CAMTA1: variants seen among roughly 807,000 people sequenced by gnomAD.
The protein encoded by CAMTA1 is calmodulin-binding transcription activator 1.
A neutral mutation model predicts 170.9 loss-of-function variants in CAMTA1; 27 were observed. The observed-to-expected ratio is 0.16, with a 90% CI of 0.12 to 0.22. The LOEUF (loss-of-function observed/expected upper bound fraction) is 0.22. Ranked by LOEUF, CAMTA1 falls within the 10% of genes least tolerant of loss-of-function variation. The probability of loss-of-function intolerance (pLI) is 1.00; values close to 1 mark genes in which losing one functional copy is unlikely to be tolerated. For missense variants in CAMTA1, 1,619 were observed against 2,217.2 expected (o/e 0.73, Z 5.42); for synonymous variants, 833 against 891.5 (o/e 0.93, Z 1.17).
intron 11 of CAMTA1, among the ~76,000 whole-genome samples, chr1:7,703,695 A>G (rs2096467465): frequency 6.6e-6 from 1 of 152,150 alleles, no homozygotes; most frequent in South Asian, 2.1e-4. Context: ...ATATATCTAT[A>G]TCTATTAGTA....
chr1:7,323,063 C>T (rs1036650170), intron 5 of CAMTA1, among the ~76,000 whole-genome samples: 2 of 146,446 alleles, frequency 1.4e-5, no homozygotes, highest in African/African-American at 2.5e-5. Flanking sequence ...TCAATTTTTC[C>T]CATGTGTCTA....
intron 3 of CAMTA1, among the ~76,000 whole-genome samples, chr1:7,006,380 G>A (rs1699009927): frequency 6.6e-6 from 1 of 152,108 alleles, no homozygotes; most frequent in Non-Finnish European, 1.5e-5. Flanking sequence ...GTATTTTACT[G>A]GATTGTGGAT....
At chr1:6,831,598 A>G (rs1001776409) in intron 3 of CAMTA1, among the ~76,000 whole-genome samples, 1 of 152,254 alleles carries the variant, frequency 6.6e-6, no homozygotes, top group South Asian at 2.1e-4. Flanking sequence ...ATGCAGCACC[A>G]TGAACCTTTT....
At chr1:7,225,692 C>T (rs1038399129) in intron 4 of CAMTA1, among the ~76,000 whole-genome samples, 1 of 152,240 alleles carries the variant, frequency 6.6e-6, no homozygotes, top group Non-Finnish European at 1.5e-5. Context: ...GGGTTCACTT[C>T]TCTGCATCAG....
intron 3 of CAMTA1, among the ~76,000 whole-genome samples, chr1:6,925,847 C>T (rs897014065): frequency 3.3e-5 from 5 of 152,184 alleles, no homozygotes; most frequent in African/African-American, 7.2e-5. Flanking sequence ...CTAAGCTGTC[C>T]GCTGGCTGAT....
At position 6,971,928 on chromosome 1, in the gene CAMTA1, G is replaced by A. The variant is rs927303215; in HGVS notation, c.235-119376G>A. On this transcript the variant is annotated intron_variant, in intron 3 of 22. Transcript: ENST00000303635. This position sits in a 1 kb window ranked among gnomAD's most constrained non-coding sequence, Gnocchi z 4.6. ...TGGAGAGAGGAGAGGAGAGCATCGC[G>A]GGCAGGTGCTGAGGGTTGGCCTTGT... 2.0e-5 allele frequency among the ~76,000 whole-genome samples: 3 copies of A among 152,230 alleles called. No homozygotes were observed. The highest frequency in any genetic ancestry group is 2.9e-5 in the Non-Finnish European group (2 of 68,040).
At chr1:7,701,460 G>A (rs2096439298) in intron 11 of CAMTA1, among the ~76,000 whole-genome samples, 1 of 152,044 alleles carries the variant, frequency 6.6e-6, no homozygotes, top group African/African-American at 2.4e-5. Context: ...CTGTTGCCCA[G>A]GCTGGAATGC....
intron 6 of CAMTA1, among the ~76,000 whole-genome samples, chr1:7,514,210 C>T (rs957834164): frequency 1.3e-5 from 2 of 152,216 alleles, no homozygotes; most frequent in African/African-American, 4.8e-5. Flanking sequence ...GAGCCTCTTC[C>T]AGCTCCCTAG....
intron 11 of CAMTA1, among the ~76,000 whole-genome samples, chr1:7,728,992 GTGTC>G (rs1464271892): frequency 6.6e-6 from 1 of 152,120 alleles, no homozygotes; most frequent in Non-Finnish European, 1.5e-5. Context: ...AAGTTTGCCT[GTGTC>G]TGTCCATCCA....
Position 7,233,104 on chromosome 1 carries a change from C to T in CAMTA1, c.303-16387C>T, listed in dbSNP as rs569743488. On this transcript the variant is annotated intron_variant, in intron 4 of 22. Coordinates refer to ENST00000303635, the MANE Select transcript of CAMTA1 (RefSeq NM_015215.4). ...TGAGAAGCTTGCCTTGAATTGCATG[C>T]TAATGATAAATGACAACTCTAACAG... 1.5e-4 allele frequency among the ~76,000 whole-genome samples: 23 copies of T among 152,276 alleles called. 1 individual carries two copies. The South Asian group carries it at 4.4e-3, about 29-fold the overall frequency.
At chr1:7,679,582 C>CT (rs1558116400) in intron 11 of CAMTA1, among the ~76,000 whole-genome samples, 1 of 151,736 alleles carries the variant, frequency 6.6e-6, no homozygotes, top group Non-Finnish European at 1.5e-5. Flanking sequence ...GCTGCCCCCC[C>CT]CCCCAGAACT....
chr1:7,444,592 G>A (rs1447977734), intron 5 of CAMTA1, among the ~76,000 whole-genome samples: 3 of 152,252 alleles, frequency 2.0e-5, no homozygotes, highest in African/African-American at 2.4e-5. Context: ...CCTGAGCCAC[G>A]GCAAGGTCTT....
At chr1:7,658,077 C>A (rs995328374) in intron 7 of CAMTA1, among the ~76,000 whole-genome samples, 1 of 152,174 alleles carries the variant, frequency 6.6e-6, no homozygotes, top group Non-Finnish European at 1.5e-5. Context: ...GTGCCAAGAC[C>A]CAAGACCCTC....
chr1:7,551,655 T>A (rs1378132510), intron 6 of CAMTA1, among the ~76,000 whole-genome samples: 1 of 152,212 alleles, frequency 6.6e-6, no homozygotes, highest in East Asian at 1.9e-4. Context: ...CCCTGTGGCT[T>A]TGCCTGAATA....
At chr1:7,427,337 C>T (rs928214721) in intron 5 of CAMTA1, among the ~76,000 whole-genome samples, 1 of 152,106 alleles carries the variant, frequency 6.6e-6, no homozygotes, top group African/African-American at 2.4e-5. Context: ...GCTGCAGGAG[C>T]ACAAATGTAA....
At chr1:6,990,093 CT>C (rs1696105757) in intron 3 of CAMTA1, among the ~76,000 whole-genome samples, 1 of 152,208 alleles carries the variant, frequency 6.6e-6, no homozygotes, top group Non-Finnish European at 1.5e-5. Context: ...GAGGGGCAAT[CT>C]TTTGCTCAGC....
intron 3 of CAMTA1, among the ~76,000 whole-genome samples, chr1:6,830,843 G>T (rs1382855025): frequency 6.6e-6 from 1 of 151,674 alleles, no homozygotes; most frequent in Non-Finnish European, 1.5e-5. Flanking sequence ...TTTTGAGATG[G>T]AGTCTCACTC....
intron 5 of CAMTA1, among the ~76,000 whole-genome samples, chr1:7,339,124 C>T (rs1037498913): frequency 1.3e-5 from 2 of 152,172 alleles, no homozygotes; most frequent in African/African-American, 4.8e-5. Context: ...TACAATTTGA[C>T]ATGAGATTTG....
chr1:7,398,843 A>T (rs757204210), intron 5 of CAMTA1, among the ~76,000 whole-genome samples: 13 of 152,150 alleles, frequency 8.5e-5, no homozygotes, highest in Non-Finnish European at 1.8e-4. Flanking sequence ...CGGGGTTTAC[A>T]TTAACAATCT....
Sources: allele counts gnomAD v4.1 joint callset (sites outside exome capture counted in the v4.1 genomes callset), GRCh38; gene constraint gnomAD v4.1.1; non-coding constraint Gnocchi (gnomAD v3.1); transcripts MANE v1.5; gene names NCBI Gene and HGNC (gene_info 2026-07-23, HGNC 2026-07-21).